SLC24A2: variants seen among roughly 807,000 people sequenced by gnomAD.
The protein encoded by SLC24A2 is sodium/potassium/calcium exchanger 2.
A neutral mutation model predicts 62.0 loss-of-function variants in SLC24A2; 36 were observed. The ratio of observed to expected loss-of-function variants is 0.58; its 90% CI spans 0.44 to 0.77. The LOEUF (loss-of-function observed/expected upper bound fraction) is 0.77, where lower values mean the gene tolerates loss of function less well. Among genes scored for constraint, SLC24A2 ranks in the 30% least tolerant of loss-of-function variants. SLC24A2 has a pLI of 0.00. For synonymous variants in SLC24A2, 358 were observed against 294.0 expected, an observed-to-expected ratio of 1.22 and a Z score of -2.23; for missense variants, 846 against 817.9, an observed-to-expected ratio of 1.03 and a Z score of -0.42.
chr9:19,627,600 C>T (rs913685228), intron 2 of SLC24A2, among the ~76,000 whole-genome samples: 3 of 152,074 alleles, frequency 2.0e-5, no homozygotes, highest in Middle Eastern at 3.2e-3. Context: ...ACCATAGCTC[C>T]CTGCAACCTC....
chr9:19,777,102 G>A (rs545265510), intron 2 of SLC24A2, among the ~76,000 whole-genome samples: 4 of 152,318 alleles, frequency 2.6e-5, no homozygotes, highest in African/African-American at 4.8e-5. Flanking sequence ...GTGGAAATGG[G>A]GAGAGAGAGG....
the SLC24A2 span, among the ~76,000 whole-genome samples, chr9:20,150,008 T>C: frequency 6.6e-6 from 1 of 152,036 alleles, no homozygotes; most frequent in African/African-American, 2.4e-5. Flanking sequence ...CACTGTGGCA[T>C]GTGACTATAG....
chr9:19,571,703 G>C (rs1835842425), intron 7 of SLC24A2, among the ~76,000 whole-genome samples: 1 of 152,214 alleles, frequency 6.6e-6, no homozygotes, highest in Non-Finnish European at 1.5e-5. Flanking sequence ...CACTGAGCTA[G>C]GTAAAATGCA....
intron 7 of SLC24A2, among the ~76,000 whole-genome samples, chr9:19,570,949 C>G (rs995219168): frequency 2.0e-5 from 3 of 152,228 alleles, no homozygotes; most frequent in African/African-American, 7.2e-5. Flanking sequence ...GTGCACAAAT[C>G]TGTCCTGTTC....
At chr9:19,794,864 C>T in the SLC24A2 span, among the ~76,000 whole-genome samples, 1 of 151,834 alleles carries the variant, frequency 6.6e-6, no homozygotes, top group Non-Finnish European at 1.5e-5. Flanking sequence ...GAGCATTGCT[C>T]TTTATGACTC....
chr9:19,510,392 T>C lies in SLC24A2; in HGVS notation c.*5761A>G, dbSNP rs1832671562. 7.5e-6 allele frequency: 1 copy of C among 133,394 alleles called. No homozygotes were observed. Among genetic ancestry groups the C allele is most frequent in the East Asian group, 2.2e-4 (1 of 4,548 alleles). 8.3% of individuals were successfully genotyped at this position (133,394 alleles called of 1,614,324 possible). ...GTCACATAGCGGTAACTTCCAACTA[T>C]GGGGCAAAGAGTGAAGAGTGCCCAG... is the stretch of plus-strand genomic sequence containing the variant. On this transcript the variant is annotated 3_prime_UTR_variant, in exon 11 of 11. Coordinates refer to ENST00000341998, the MANE Select transcript of SLC24A2 (RefSeq NM_020344.4).
At chr9:19,817,834 A>T in the SLC24A2 span, among the ~76,000 whole-genome samples, 2 of 152,192 alleles carry the variant, frequency 1.3e-5, no homozygotes, top group East Asian at 3.9e-4. Flanking sequence ...AGTTCAAGGG[A>T]TCCTCCTGCC....
chr9:19,647,175 T>C (rs1325223654), intron 2 of SLC24A2, among the ~76,000 whole-genome samples: 2 of 152,068 alleles, frequency 1.3e-5, no homozygotes, highest in Admixed American at 1.3e-4. Flanking sequence ...TTTATTTCTG[T>C]TTCCCTACTA....
intron 2 of SLC24A2, among the ~76,000 whole-genome samples, chr9:19,758,327 G>C (rs1822208034): frequency 6.6e-6 from 1 of 152,142 alleles, no homozygotes; most frequent in Admixed American, 6.5e-5. Flanking sequence ...GAAGAAGATA[G>C]ACACAGGGAG....
At chr9:20,167,887 G>GTT in the SLC24A2 span, among the ~76,000 whole-genome samples, 4 of 143,486 alleles carry the variant, frequency 2.8e-5, no homozygotes, top group East Asian at 8.2e-4. Flanking sequence ...GCCCAGCCCT[G>GTT]TTTTTTTTTT....
At chr9:19,777,588 G>C (rs142401741) in intron 2 of SLC24A2, among the ~76,000 whole-genome samples, 1 of 151,950 alleles carries the variant, frequency 6.6e-6, no homozygotes, top group African/African-American at 2.4e-5. Context: ...TGGGGAAAAG[G>C]CTCCATAATA....
intron 2 of SLC24A2, among the ~76,000 whole-genome samples, chr9:19,772,060 G>A (rs1380590350): frequency 1.3e-5 from 2 of 152,190 alleles, no homozygotes; most frequent in African/African-American, 4.8e-5. Context: ...GGGCTTCTGG[G>A]CAAGAAGTAG....
chr9:19,706,756 G>T (rs1030726373), intron 2 of SLC24A2, among the ~76,000 whole-genome samples: 1 of 152,042 alleles, frequency 6.6e-6, no homozygotes, highest in African/African-American at 2.4e-5. Context: ...ATTCAAAGCA[G>T]TGTGTAGAGG....
At chr9:20,199,322 C>T in the SLC24A2 span, among the ~76,000 whole-genome samples, 1 of 152,180 alleles carries the variant, frequency 6.6e-6, no homozygotes, top group African/African-American at 2.4e-5. Flanking sequence ...CACTGTTGAG[C>T]ACCTATGTGC....
At chr9:19,685,918 T>C (rs538637453) in intron 2 of SLC24A2, among the ~76,000 whole-genome samples, 106 of 151,096 alleles carry the variant, frequency 7.0e-4, no homozygotes, top group African/African-American at 2.5e-3. Context: ...AATGGACAAA[T>C]TGGACCTAAT....
At chr9:19,876,643 G>A in the SLC24A2 span, among the ~76,000 whole-genome samples, 5 of 152,146 alleles carry the variant, frequency 3.3e-5, no homozygotes, top group Non-Finnish European at 7.4e-5. Flanking sequence ...TTGTTGCTAT[G>A]TTAACTAATA....
chr9:20,095,127 A>C, the SLC24A2 span, among the ~76,000 whole-genome samples: 2 of 152,162 alleles, frequency 1.3e-5, no homozygotes, highest in African/African-American at 4.8e-5. Context: ...TGCAAACTGG[A>C]AAAAAATCCA....
intron 2 of SLC24A2, among the ~76,000 whole-genome samples, chr9:19,651,565 T>A (rs1270886193): frequency 8.3e-6 from 1 of 120,844 alleles, no homozygotes; most frequent in African/African-American, 2.8e-5. Flanking sequence ...CCCACCATCA[T>A]CAATTTCTTT....
chr9:20,031,100 A>G, the SLC24A2 span, among the ~76,000 whole-genome samples: 3 of 151,944 alleles, frequency 2.0e-5, no homozygotes, highest in African/African-American at 4.8e-5. Flanking sequence ...ATATAGATAT[A>G]TATGTATACA....
Sources: gnomAD v4.1 joint callset for allele counts (sites outside exome capture counted in the v4.1 genomes callset) on GRCh38, gnomAD v4.1.1 for gene constraint, MANE v1.5 for transcripts, NCBI Gene and HGNC (gene_info 2026-07-23, HGNC 2026-07-21) for gene names.